The following CAMK2D variants were observed in gnomAD, a reference collection of about 807,000 sequenced individuals.
CAMK2D encodes the protein calcium/calmodulin-dependent protein kinase type II subunit delta.
CAMK2D carries 37 observed loss-of-function variants against 84.0 expected under a neutral mutation model. The observed-to-expected ratio is 0.44, with a 90% CI of 0.34 to 0.58. The LOEUF is 0.58. Among genes scored for constraint, CAMK2D ranks in the 20% least tolerant of loss-of-function variants. The pLI is 0.02. For synonymous variants in CAMK2D, 202 were observed against 212.5 expected (o/e 0.95, Z 0.43); for missense variants, 448 against 652.5 (o/e 0.69, Z 3.41).
At chr4:113,495,829 G>T (rs2097920194) in intron 16 of CAMK2D, among the ~76,000 whole-genome samples, 1 of 152,136 alleles carries the variant, frequency 6.6e-6, no homozygotes, top group African/African-American at 2.4e-5. Flanking sequence ...AATGCAGCAA[G>T]AGATCCAAGC....
intron 4 of CAMK2D, among the ~76,000 whole-genome samples, chr4:113,573,068 G>A (rs754043448): frequency 3.3e-5 from 5 of 152,150 alleles, no homozygotes; most frequent in Non-Finnish European, 7.3e-5. Context: ...AGGAGGAAGC[G>A]GAGAAGAAAA....
intron 12 of CAMK2D, 72 bp downstream of exon 12, chr4:113,513,256 C>CAGAG: frequency 6.3e-7 from 1 of 1,578,748 alleles, no homozygotes; most frequent in African/African-American, 1.4e-5. Context: ...TTTAAAATTC[C>CAGAG]AGAGACAAAA....
At chr4:113,492,271 T>G (rs1228737494) in intron 16 of CAMK2D, among the ~76,000 whole-genome samples, 5 of 152,256 alleles carry the variant, frequency 3.3e-5, no homozygotes, top group East Asian at 1.9e-4. Flanking sequence ...TTTCTCTTTT[T>G]GGCATTTAGT....
chr4:113,545,618 A>G (rs1254221976), intron 6 of CAMK2D, among the ~76,000 whole-genome samples: 2 of 152,214 alleles, frequency 1.3e-5, no homozygotes, highest in African/African-American at 4.8e-5. Context: ...GAGGTTCATC[A>G]ACTGCCTCTA....
chr4:113,662,115 A>G (rs943749429), intron 2 of CAMK2D, among the ~76,000 whole-genome samples: 1 of 152,170 alleles, frequency 6.6e-6, no homozygotes, highest in African/African-American at 2.4e-5. Flanking sequence ...AGACATACCA[A>G]TTTAGAGCAG....
intron 14 of CAMK2D, chr4:113,503,278 T>C (rs2098081884): frequency 1.6e-6 from 1 of 609,834 alleles, no homozygotes; most frequent in South Asian, 1.4e-5. Context: ...TTTCACTTAA[T>C]CCTATGCTTT....
intron 2 of CAMK2D, among the ~76,000 whole-genome samples, chr4:113,670,939 GAT>G (rs2099279211): frequency 6.6e-6 from 1 of 151,492 alleles, no homozygotes; most frequent in South Asian, 2.1e-4. Flanking sequence ...AAAAAAAAAA[GAT>G]AAACACAATC....
At chr4:113,580,434 C>G (rs1376333907) in intron 4 of CAMK2D, among the ~76,000 whole-genome samples, 1 of 152,170 alleles carries the variant, frequency 6.6e-6, no homozygotes, top group Non-Finnish European at 1.5e-5. Context: ...TGATTTAGTA[C>G]TGATTCAGTA....
intron 4 of CAMK2D, among the ~76,000 whole-genome samples, chr4:113,572,073 T>TAAA (rs72617834): frequency 0.011 from 1,566 of 146,140 alleles, 34 homozygotes; most frequent in African/African-American, 0.037. Flanking sequence ...ACAGTTTTCA[T>TAAA]AAAAAAAAAA....
intron 4 of CAMK2D, among the ~76,000 whole-genome samples, chr4:113,569,685 A>G (rs1032813211): frequency 2.0e-5 from 3 of 152,216 alleles, no homozygotes; most frequent in African/African-American, 7.2e-5. Context: ...CCATTATCAT[A>G]CAAGATCTTC....
intron 20 of CAMK2D, among the ~76,000 whole-genome samples, chr4:113,455,428 G>A (rs1372440733): frequency 6.6e-6 from 1 of 152,152 alleles, no homozygotes; most frequent in African/African-American, 2.4e-5. Context: ...TATCTGAACT[G>A]ACCCAGACAT....
At position 113,526,920 on chromosome 4, in the gene CAMK2D, T is replaced by G. The variant is rs1360641301; in HGVS notation, c.601+4296A>C. On this transcript the variant is annotated intron_variant, in intron 8 of 20. Coordinates refer to ENST00000511664, the MANE Select transcript of CAMK2D (RefSeq NM_001321571.2). Reference sequence around the variant, plus strand: ...TTTTACTGTGCTTTTTTTTTTTTTTTTTTACTGTACTTTGCAGATATTGCA... The same window carrying G: ...TTTTACTGTGCTTTTTTTTTTTTTTGTTTACTGTACTTTGCAGATATTGCA... Among the ~76,000 whole-genome samples the G allele has an allele frequency of 1.3e-5, 2 of 151,816 alleles. 1 individual carries two copies. Among genetic ancestry groups the G allele is most frequent in the African/African-American group, 4.8e-5 (2 of 41,296 alleles).
At chr4:113,615,211 C>T (rs965149611) in intron 3 of CAMK2D, among the ~76,000 whole-genome samples, 5 of 151,982 alleles carry the variant, frequency 3.3e-5, no homozygotes, top group South Asian at 2.1e-4. Flanking sequence ...CCATCTAACA[C>T]GCCAAGTCTA....
chr4:113,635,389 T>C (rs1406595682), intron 3 of CAMK2D, among the ~76,000 whole-genome samples: 1 of 152,226 alleles, frequency 6.6e-6, no homozygotes, highest in South Asian at 2.1e-4. Context: ...TGGGAAATTG[T>C]ACTGCAATTA....
At chr4:113,610,606 ATAGAT>A (rs1420453177) in intron 3 of CAMK2D, among the ~76,000 whole-genome samples, 3 of 152,094 alleles carry the variant, frequency 2.0e-5, no homozygotes, top group East Asian at 3.9e-4. Context: ...CCCTCTCTAG[ATAGAT>A]TATAGTTTGT....
intron 2 of CAMK2D, among the ~76,000 whole-genome samples, chr4:113,734,067 C>T (rs2099575407): frequency 6.6e-6 from 1 of 152,100 alleles, no homozygotes; most frequent in Non-Finnish European, 1.5e-5. Context: ...AAAGAACAGA[C>T]ATTTTGTTTA....
intron 8 of CAMK2D, among the ~76,000 whole-genome samples, chr4:113,519,231 GA>G (rs1409860191): frequency 6.6e-6 from 1 of 152,132 alleles, no homozygotes; most frequent in African/African-American, 2.4e-5. Flanking sequence ...TACACATCTG[GA>G]ATTAGGCTGT....
intron 3 of CAMK2D, among the ~76,000 whole-genome samples, chr4:113,642,707 A>G (rs2099137096): frequency 6.6e-6 from 1 of 152,168 alleles, no homozygotes; most frequent in South Asian, 2.1e-4. Flanking sequence ...GAAGCTGGTT[A>G]GAACAAGGGA....
intron 14 of CAMK2D, among the ~76,000 whole-genome samples, chr4:113,503,752 T>C (rs2098088460): frequency 6.6e-6 from 1 of 152,222 alleles, no homozygotes; most frequent in South Asian, 2.1e-4. Flanking sequence ...GGGTTTTCTA[T>C]TGTTTTCTAT....
Sources: allele counts gnomAD v4.1 joint callset (sites outside exome capture counted in the v4.1 genomes callset), GRCh38; gene constraint gnomAD v4.1.1; transcripts MANE v1.5; gene names NCBI Gene and HGNC (gene_info 2026-07-23, HGNC 2026-07-21).